CACNA1E: variants seen among roughly 807,000 people sequenced by gnomAD.
CACNA1E encodes voltage-dependent R-type calcium channel subunit alpha-1E.
In CACNA1E, 40 loss-of-function variants were observed where a neutral mutation model predicts 259.2. The observed-to-expected ratio is 0.15, with a 90% CI of 0.12 to 0.20. The LOEUF (loss-of-function observed/expected upper bound fraction) is 0.20, where lower values mean the gene tolerates loss of function less well. Among genes scored for constraint, CACNA1E ranks in the 10% least tolerant of loss-of-function variants. The pLI is 1.00. For synonymous variants in CACNA1E, 1,104 were observed against 1,138.5 expected (o/e 0.97, Z 0.61); for missense variants, 1,874 against 3,040.1 (o/e 0.62, Z 9.02).
At chr1:181,550,023 T>C (rs766926051) in intron 3 of CACNA1E, among the ~76,000 whole-genome samples, 4 of 151,986 alleles carry the variant, frequency 2.6e-5, no homozygotes, top group Admixed American at 1.3e-4. Flanking sequence ...CTTGCCATGG[T>C]GGTACATGTG....
At chr1:181,490,341 A>T (rs1208305407) in intron 1 of CACNA1E, among the ~76,000 whole-genome samples, 5 of 151,948 alleles carry the variant, frequency 3.3e-5, no homozygotes. Context: ...CCAAATTTGT[A>T]GGACTAGATA....
Position 181,726,135 on chromosome 1 carries a change from T to C in CACNA1E, c.2213T>C (p.Met738Thr), listed in dbSNP as rs1654886245. 1 of 1,612,748 alleles carries C rather than the reference T, an allele frequency of 6.2e-7. No individual in the cohort carries two copies. Among genetic ancestry groups the C allele is most frequent in the Non-Finnish European group, 8.5e-7 (1 of 1,179,358 alleles). Residue 738 changes from methionine to threonine, a missense_variant, in exon 18 of 48, where the codon ATG becomes ACG. This residue lies in a region of CACNA1E where 102 missense variants were observed against 279.4 expected (regional missense o/e 0.37). Transcript: ENST00000367573. ...CAGAAGGCCAAGGAGGTCAGCCCGA[T>C]GTCTGCACCCAACATGCCTTCGATC... The part of the protein sequence containing the change: ...ALQKAKEVSP[M>T]SAPNMPSIER...
chr1:181,652,679 C>T (rs569257735), intron 7 of CACNA1E, among the ~76,000 whole-genome samples: 7 of 152,258 alleles, frequency 4.6e-5, no homozygotes, highest in South Asian at 2.1e-4. Flanking sequence ...AACAAAAGGA[C>T]TGATGCAAAG....
intron 1 of CACNA1E, among the ~76,000 whole-genome samples, chr1:181,488,607 A>G (rs1443524714): frequency 6.6e-6 from 1 of 152,236 alleles, no homozygotes; most frequent in African/African-American, 2.4e-5. Context: ...AGCCTGAAAA[A>G]TGAGTTGGAG....
intron 44 of CACNA1E, among the ~76,000 whole-genome samples, chr1:181,792,571 A>T (rs1430089298): frequency 1.3e-5 from 2 of 152,240 alleles, no homozygotes; most frequent in African/African-American, 4.8e-5. Flanking sequence ...GCACCATAGC[A>T]CATGTCTTGG....
intron 7 of CACNA1E, among the ~76,000 whole-genome samples, chr1:181,668,594 A>C (rs1648485529): frequency 6.6e-6 from 1 of 152,154 alleles, no homozygotes; most frequent in Non-Finnish European, 1.5e-5. Context: ...TGGCTGTTCC[A>C]TTTTACATTC....
chr1:181,747,325 G>A (rs1024910035), intron 25 of CACNA1E, among the ~76,000 whole-genome samples: 4 of 152,248 alleles, frequency 2.6e-5, no homozygotes, highest in Non-Finnish European at 4.4e-5. Context: ...AGAAGAGGGG[G>A]CTGGGAGGTG....
intron 8 of CACNA1E, 49 bp downstream of exon 8, chr1:181,711,118 C>T (rs1168618497): frequency 2.4e-6 from 3 of 1,262,560 alleles, no homozygotes; most frequent in Admixed American, 1.7e-5. Flanking sequence ...GCAGAGACAT[C>T]AGGGCCGGCC....
intron 1 of CACNA1E, among the ~76,000 whole-genome samples, chr1:181,393,560 C>T (rs1219710187): frequency 1.3e-5 from 2 of 152,158 alleles, no homozygotes; most frequent in African/African-American, 4.8e-5. Context: ...CAGGCTCAAG[C>T]GATCCTCCCA....
chr1:181,639,996 C>T (rs199970), intron 6 of CACNA1E, among the ~76,000 whole-genome samples: 147,294 of 152,242 alleles, frequency 0.97, 71,438 homozygotes, highest in Non-Finnish European at 1. Context: ...CCACATCTGT[C>T]GTCTGATACA....
chr1:181,677,538 T>C (rs1649501671), intron 7 of CACNA1E, among the ~76,000 whole-genome samples: 1 of 152,192 alleles, frequency 6.6e-6, no homozygotes, highest in Non-Finnish European at 1.5e-5. Flanking sequence ...ATTATGTTCA[T>C]AGTACACTTG....
At chr1:181,361,617 T>C (rs1277592287) in intron 1 of CACNA1E, among the ~76,000 whole-genome samples, 2 of 152,198 alleles carry the variant, frequency 1.3e-5, no homozygotes, top group Non-Finnish European at 2.9e-5. Context: ...GTTTATTCTC[T>C]TCCCACCTCT....
chr1:181,376,780 C>T (rs966025155), intron 1 of CACNA1E, among the ~76,000 whole-genome samples: 1 of 152,174 alleles, frequency 6.6e-6, no homozygotes, highest in Admixed American at 6.5e-5. Flanking sequence ...TTTTCTGCTT[C>T]TCTTTGTCAC....
At chr1:181,512,185 T>C (rs891191216) in intron 3 of CACNA1E, among the ~76,000 whole-genome samples, 1 of 152,280 alleles carries the variant, frequency 6.6e-6, no homozygotes, top group African/African-American at 2.4e-5. Context: ...GAATATAGTA[T>C]GAGGAAGCTG....
At chr1:181,738,533 G>A (rs987341167) in intron 24 of CACNA1E, 107 bp downstream of exon 24, 6 of 845,156 alleles carry the variant, frequency 7.1e-6, no homozygotes, top group South Asian at 2.9e-5. Flanking sequence ...GCCAATGGCA[G>A]CCCTCAGTAG....
At chr1:181,338,573 A>G (rs1651900349) in intron 1 of CACNA1E, among the ~76,000 whole-genome samples, 2 of 148,698 alleles carry the variant, frequency 1.3e-5, no homozygotes, top group African/African-American at 5.0e-5. Flanking sequence ...TTTGTCAGAT[A>G]TGTAGTTTGC....
intron 6 of CACNA1E, among the ~76,000 whole-genome samples, chr1:181,622,825 T>C (rs1349080138): frequency 6.6e-6 from 1 of 152,086 alleles, no homozygotes; most frequent in Non-Finnish European, 1.5e-5. Context: ...TTTCTGGAAG[T>C]CTATTTGAGC....
At chr1:181,797,687 G>A (rs549682393) in intron 47 of CACNA1E, among the ~76,000 whole-genome samples, 33 of 152,186 alleles carry the variant, frequency 2.2e-4, no homozygotes, top group Non-Finnish European at 4.6e-4. Context: ...CTTAAGAAAT[G>A]CTCTCCTGGA....
chr1:181,318,643 C>A (rs1000184389), intron 1 of CACNA1E, among the ~76,000 whole-genome samples: 3 of 152,186 alleles, frequency 2.0e-5, no homozygotes, highest in African/African-American at 4.8e-5. Context: ...AAGTTTTGTG[C>A]GCGGATCGCT....
Sources: gnomAD v4.1 joint callset for allele counts (sites outside exome capture counted in the v4.1 genomes callset) on GRCh38, gnomAD v4.1.1 for gene constraint, gnomAD v4.1.1 regional missense constraint, MANE v1.5 for transcripts, NCBI Gene and HGNC (gene_info 2026-07-23, HGNC 2026-07-21) for gene names.